The following CLASP1 variants were observed in gnomAD, a reference collection of about 807,000 sequenced individuals.
The protein encoded by CLASP1 is CLIP-associating protein 1.
In CLASP1, 38 loss-of-function variants were observed where a neutral mutation model predicts 192.3. The ratio of observed to expected loss-of-function variants is 0.20; its 90% CI spans 0.15 to 0.26. The LOEUF (loss-of-function observed/expected upper bound fraction) is 0.26. Among genes scored for constraint, CLASP1 ranks in the 10% least tolerant of loss-of-function variants. CLASP1 has a pLI of 1.00. For synonymous variants in CLASP1, 691 were observed against 712.8 expected (o/e 0.97, Z 0.49); for missense variants, 1,433 against 1,932.5 (o/e 0.74, Z 4.85).
At chr2:121,378,736 C>T (rs2149331529) in intron 33 of CLASP1, among the ~76,000 whole-genome samples, 1 of 152,200 alleles carries the variant, frequency 6.6e-6, no homozygotes, top group African/African-American at 2.4e-5. Flanking sequence ...TAGTCCTGAG[C>T]TATACTGAGG....
At chr2:121,469,093 TG>T (rs1403718237) in intron 9 of CLASP1, among the ~76,000 whole-genome samples, 1 of 152,214 alleles carries the variant, frequency 6.6e-6, no homozygotes, top group South Asian at 2.1e-4. Flanking sequence ...TCCGTGGGGC[TG>T]CTGCTACTCA....
intron 1 of CLASP1, among the ~76,000 whole-genome samples, chr2:121,647,882 T>A (rs567118796): frequency 6.6e-6 from 1 of 152,184 alleles, no homozygotes; most frequent in East Asian, 1.9e-4. Flanking sequence ...AACTCCTTCA[T>A]AAAAACTAAA....
At chr2:121,349,372 T>C (rs1027013757) in intron 37 of CLASP1, among the ~76,000 whole-genome samples, 17 of 152,150 alleles carry the variant, frequency 1.1e-4, no homozygotes, top group African/African-American at 3.6e-4. Flanking sequence ...CACTCAGAGA[T>C]GGGCCCCAAC....
intron 2 of CLASP1, among the ~76,000 whole-genome samples, chr2:121,556,448 G>A (rs555295623): frequency 1.3e-4 from 20 of 152,076 alleles, no homozygotes; most frequent in Non-Finnish European, 2.8e-4. Flanking sequence ...GGTCCTGCCC[G>A]CTCCCTTCAC....
intron 6 of CLASP1, among the ~76,000 whole-genome samples, chr2:121,520,479 T>A (rs2094433058): frequency 6.6e-6 from 1 of 152,200 alleles, no homozygotes; most frequent in South Asian, 2.1e-4. Flanking sequence ...CAGGGCCGCA[T>A]GGAAGCTCTG....
intron 34 of CLASP1, among the ~76,000 whole-genome samples, chr2:121,373,652 C>T (rs1352927724): frequency 2.0e-5 from 3 of 152,168 alleles, no homozygotes; most frequent in Non-Finnish European, 2.9e-5. Context: ...ATGAAGATAA[C>T]GAACTGGAGT....
chr2:121,388,709 T>TAA (rs2073800441), intron 30 of CLASP1, among the ~76,000 whole-genome samples: 2 of 152,244 alleles, frequency 1.3e-5, no homozygotes, highest in South Asian at 4.1e-4. Context: ...ATAGTTTTCA[T>TAA]TTATAAAAGC....
At chr2:121,449,858 C>T (rs929611290) in intron 16 of CLASP1, among the ~76,000 whole-genome samples, 5 of 152,174 alleles carry the variant, frequency 3.3e-5, no homozygotes, top group East Asian at 3.8e-4. Context: ...CTAAGTAAAA[C>T]CGTAACGTTG....
chr2:121,364,822 T>A, intron 36 of CLASP1: 1 of 456,410 alleles, frequency 2.2e-6, no homozygotes, highest in East Asian at 4.0e-5. Flanking sequence ...AAATTCTGTG[T>A]TAAAGCAACT....
chr2:121,385,631 TCC>T (rs2073028519), intron 32 of CLASP1, among the ~76,000 whole-genome samples: 1 of 152,194 alleles, frequency 6.6e-6, no homozygotes. Context: ...ATTTGAGTTA[TCC>T]CTTTTGACTT....
At chr2:121,383,509 GT>G (rs1424808498) in intron 32 of CLASP1, among the ~76,000 whole-genome samples, 4 of 152,076 alleles carry the variant, frequency 2.6e-5, no homozygotes, top group African/African-American at 9.7e-5. Flanking sequence ...ACCTCCGAGT[GT>G]GGGGTGGGGT....
At chr2:121,361,621 G>A (rs34086559) in intron 37 of CLASP1, among the ~76,000 whole-genome samples, 5,837 of 152,086 alleles carry the variant, frequency 0.038, 153 homozygotes, top group Middle Eastern at 0.092. Flanking sequence ...AGGCTCATTG[G>A]CTATTGTTAG....
intron 34 of CLASP1, among the ~76,000 whole-genome samples, chr2:121,368,385 T>C (rs1020794379): frequency 6.6e-6 from 1 of 152,202 alleles, no homozygotes; most frequent in African/African-American, 2.4e-5. Flanking sequence ...ATTCTTCTTT[T>C]AGATATTTCT....
chr2:121,370,187 G>A (rs1040537634), intron 34 of CLASP1, among the ~76,000 whole-genome samples: 1 of 152,154 alleles, frequency 6.6e-6, no homozygotes, highest in African/African-American at 2.4e-5. Context: ...GGGTTTCCTT[G>A]TTAGGCTTAA....
At chr2:121,490,820 G>C (rs1222493791) in intron 8 of CLASP1, among the ~76,000 whole-genome samples, 1 of 152,170 alleles carries the variant, frequency 6.6e-6, no homozygotes, top group Non-Finnish European at 1.5e-5. Context: ...ACTTTCCTAA[G>C]ATACTGAACC....
intron 7 of CLASP1, among the ~76,000 whole-genome samples, chr2:121,507,475 T>G (rs1041268752): frequency 6.6e-6 from 1 of 152,160 alleles, no homozygotes; most frequent in African/African-American, 2.4e-5. Flanking sequence ...CATAGTCACA[T>G]AACAGAAGTC....
intron 1 of CLASP1, among the ~76,000 whole-genome samples, chr2:121,614,677 T>C (rs552313610): frequency 2.4e-4 from 37 of 152,304 alleles, no homozygotes; most frequent in African/African-American, 8.4e-4. Context: ...GTTTATCCAT[T>C]ACCAGTCTGT....
intron 1 of CLASP1, among the ~76,000 whole-genome samples, chr2:121,628,947 T>C (rs1576592642): frequency 6.6e-6 from 1 of 151,108 alleles, no homozygotes; most frequent in East Asian, 2.0e-4. Context: ...CAGCTGGTCA[T>C]CCTTTTTTTT....
intron 36 of CLASP1, chr2:121,364,837 G>A (rs2149248201): frequency 2.0e-6 from 1 of 497,060 alleles, no homozygotes; most frequent in Non-Finnish European, 3.7e-6. Context: ...GCAACTAGAT[G>A]CAGGAATGAA....
Sources: gnomAD v4.1 joint callset for allele counts (sites outside exome capture counted in the v4.1 genomes callset) on GRCh38, gnomAD v4.1.1 for gene constraint, MANE v1.5 for transcripts, NCBI Gene and HGNC (gene_info 2026-07-23, HGNC 2026-07-21) for gene names.